LOC400499: variants seen among roughly 807,000 people sequenced by gnomAD.
At chr16:11,479,305 T>C in the LOC400499 span, among the ~76,000 whole-genome samples, 5 of 151,990 alleles carry the variant, frequency 3.3e-5, no homozygotes, top group Admixed American at 6.6e-5. Flanking sequence ...TTAGGATAAT[T>C]TTAGATTTAC....
the LOC400499 span, among the ~76,000 whole-genome samples, chr16:11,448,588 T>C: frequency 1.3e-5 from 2 of 152,110 alleles, no homozygotes; most frequent in African/African-American, 2.4e-5. Flanking sequence ...CATGGTGGCA[T>C]GAGTGGCATG....
chr16:11,500,117 G>C, the LOC400499 span, among the ~76,000 whole-genome samples: 1 of 152,208 alleles, frequency 6.6e-6, no homozygotes, highest in Non-Finnish European at 1.5e-5. Flanking sequence ...CAAGTGCTCA[G>C]ATTTAGTGCC....
the LOC400499 span, among the ~76,000 whole-genome samples, chr16:11,521,267 A>G: frequency 6.6e-6 from 1 of 152,174 alleles, no homozygotes; most frequent in African/African-American, 2.4e-5. Context: ...TCCAACAGAA[A>G]CTAAAAGGCC....
At chr16:11,415,343 G>A in the LOC400499 span, among the ~76,000 whole-genome samples, 1 of 152,218 alleles carries the variant, frequency 6.6e-6, no homozygotes, top group Non-Finnish European at 1.5e-5. Flanking sequence ...TGCAGCTCAC[G>A]GCTCAGGCCC....
At chr16:11,429,824 G>T in the LOC400499 span, among the ~76,000 whole-genome samples, 1 of 151,986 alleles carries the variant, frequency 6.6e-6, no homozygotes, top group Non-Finnish European at 1.5e-5. Flanking sequence ...TCCCCATTTG[G>T]CAATCATCAT....
At chr16:11,435,254 A>G in the LOC400499 span, among the ~76,000 whole-genome samples, 142 of 152,174 alleles carry the variant, frequency 9.3e-4, no homozygotes, top group African/African-American at 3.3e-3. Context: ...CTGGGACTAC[A>G]GGTGCACCCC....
At chr16:11,436,314 G>A in the LOC400499 span, among the ~76,000 whole-genome samples, 1 of 152,214 alleles carries the variant, frequency 6.6e-6, no homozygotes, top group Non-Finnish European at 1.5e-5. Flanking sequence ...AGAGGACCCA[G>A]AACTTCTGAG....
the LOC400499 span, among the ~76,000 whole-genome samples, chr16:11,503,882 C>A: frequency 6.6e-6 from 1 of 152,214 alleles, no homozygotes; most frequent in Non-Finnish European, 1.5e-5. Flanking sequence ...ACTCTATTGC[C>A]CAGTTTGGGG....
At chr16:11,448,062 G>T in the LOC400499 span, 1 of 1,535,032 alleles carries the variant, frequency 6.5e-7, no homozygotes, top group Non-Finnish European at 8.7e-7. Context: ...GCGACACCTG[G>T]GTCTTCCGGG....
chr16:11,481,684 G>A, the LOC400499 span, among the ~76,000 whole-genome samples: 1 of 151,980 alleles, frequency 6.6e-6, no homozygotes, highest in African/African-American at 2.4e-5. Flanking sequence ...TCAGGCTGGA[G>A]TGCAGTGGTG....
At chr16:11,404,503 T>C in the LOC400499 span, among the ~76,000 whole-genome samples, 1 of 152,180 alleles carries the variant, frequency 6.6e-6, no homozygotes, top group African/African-American at 2.4e-5. Context: ...CCTGCCACCA[T>C]GCCTGGCTAA....
chr16:11,461,352 T>C, the LOC400499 span, among the ~76,000 whole-genome samples: 14 of 152,170 alleles, frequency 9.2e-5, no homozygotes, highest in African/African-American at 3.4e-4. Flanking sequence ...CCCGAGTAGC[T>C]GGAACTACAG....
the LOC400499 span, among the ~76,000 whole-genome samples, chr16:11,467,462 AG>A: frequency 0.3 from 45,329 of 151,028 alleles, 7,043 homozygotes; most frequent in Admixed American, 0.42. Flanking sequence ...TATAAAAAAA[AG>A]AAGCCAAGCA....
chr16:11,421,610 G>A, the LOC400499 span, among the ~76,000 whole-genome samples: 1 of 152,130 alleles, frequency 6.6e-6, no homozygotes, highest in Non-Finnish European at 1.5e-5. Flanking sequence ...TACCATGTTG[G>A]CCAGGCTGAT....
At chr16:11,408,930 T>C in the LOC400499 span, among the ~76,000 whole-genome samples, 3 of 151,896 alleles carry the variant, frequency 2.0e-5, no homozygotes, top group African/African-American at 7.3e-5. Context: ...CACTGTAAAA[T>C]TACTTCAATT....
chr16:11,508,914 A>C, the LOC400499 span: 1 of 398,464 alleles, frequency 2.5e-6, no homozygotes, highest in South Asian at 1.3e-4. Flanking sequence ...GTGAGCTAGA[A>C]AGCCCTCTGG....
chr16:11,474,858 C>G, the LOC400499 span, among the ~76,000 whole-genome samples: 1 of 151,998 alleles, frequency 6.6e-6, no homozygotes, highest in Non-Finnish European at 1.5e-5. Flanking sequence ...CGACAGAGAC[C>G]CTGTCTCAAT....
the LOC400499 span, among the ~76,000 whole-genome samples, chr16:11,496,768 G>A: frequency 1.6e-4 from 25 of 152,236 alleles, no homozygotes; most frequent in East Asian, 3.9e-4. Flanking sequence ...GTCTCCACAC[G>A]TCCCACTGGG....
the LOC400499 span, among the ~76,000 whole-genome samples, chr16:11,495,268 C>CA: frequency 6.6e-6 from 1 of 151,936 alleles, no homozygotes; most frequent in South Asian, 2.1e-4. Context: ...GCCCACGACT[C>CA]AGACGCCCAG....
Sources: gnomAD v4.1 joint callset for allele counts (sites outside exome capture counted in the v4.1 genomes callset) on GRCh38, gnomAD v4.1.1 for gene constraint, MANE v1.5 for transcripts.